The following SUGCT variants were observed in gnomAD, a reference collection of about 807,000 sequenced individuals.
SUGCT encodes the protein succinyl-CoA:glutarate CoA-transferase.
SUGCT carries 41 observed loss-of-function variants against 55.0 expected under a neutral mutation model. The observed-to-expected ratio is 0.74, with a 90% confidence interval of 0.58 to 0.97. The LOEUF (loss-of-function observed/expected upper bound fraction) is 0.97. SUGCT is among the 50% of genes least tolerant of loss of function. SUGCT has a pLI of 0.00. For missense variants in SUGCT, 568 were observed against 547.8 expected, an observed-to-expected ratio of 1.04 and a Z score of -0.37; for synonymous variants, 187 against 200.4, an observed-to-expected ratio of 0.93 and a Z score of 0.56.
the SUGCT span, among the ~76,000 whole-genome samples, chr7:40,937,402 C>T: frequency 6.6e-6 from 1 of 152,220 alleles, no homozygotes; most frequent in Non-Finnish European, 1.5e-5. Flanking sequence ...ACCTCCTGAC[C>T]TCAGGTGATC....
chr7:40,337,904 G>C (rs1192548506), intron 9 of SUGCT, among the ~76,000 whole-genome samples: 15 of 152,100 alleles, frequency 9.9e-5, no homozygotes, highest in Non-Finnish European at 1.5e-5. Flanking sequence ...TCCTTTCCAT[G>C]TTTAGTGCTT....
the SUGCT span, among the ~76,000 whole-genome samples, chr7:40,956,698 A>G: frequency 6.6e-6 from 1 of 151,352 alleles, no homozygotes; most frequent in Non-Finnish European, 1.5e-5. Context: ...TAGTTCTTTT[A>G]ATTGTGATGT....
intron 12 of SUGCT, among the ~76,000 whole-genome samples, chr7:40,617,398 T>G (rs537514096): frequency 2.0e-5 from 3 of 152,236 alleles, no homozygotes; most frequent in African/African-American, 7.2e-5. Flanking sequence ...TTTGACATAT[T>G]TTTGAAGAAG....
At chr7:40,483,238 C>T (rs1479750837) in intron 11 of SUGCT, among the ~76,000 whole-genome samples, 1 of 152,082 alleles carries the variant, frequency 6.6e-6, no homozygotes, top group African/African-American at 2.4e-5. Flanking sequence ...TGGATTTACT[C>T]AGATTTGTCC....
chr7:40,485,057 T>C (rs1791253554), intron 11 of SUGCT, among the ~76,000 whole-genome samples: 1 of 152,122 alleles, frequency 6.6e-6, no homozygotes, highest in Admixed American at 6.5e-5. Flanking sequence ...TTAAGTGAAG[T>C]AATGTGTACT....
At chr7:40,278,812 G>T (rs1157801371) in intron 8 of SUGCT, among the ~76,000 whole-genome samples, 1 of 139,658 alleles carries the variant, frequency 7.2e-6, no homozygotes, top group African/African-American at 2.7e-5. Context: ...TAGCAGTTTT[G>T]GTTTCAGATC....
intron 12 of SUGCT, among the ~76,000 whole-genome samples, chr7:40,568,587 G>T (rs1459695539): frequency 6.6e-6 from 1 of 152,190 alleles, no homozygotes; most frequent in Admixed American, 6.5e-5. Flanking sequence ...GTCGTCGTTG[G>T]TGGTGACATG....
At chr7:40,504,435 T>C (rs1792472598) in intron 12 of SUGCT, among the ~76,000 whole-genome samples, 1 of 151,900 alleles carries the variant, frequency 6.6e-6, no homozygotes, top group Admixed American at 6.6e-5. Context: ...TGGCCAAGAA[T>C]AGATTTTTTT....
chr7:40,808,303 C>T (rs1201379531), intron 13 of SUGCT: 1 of 152,238 alleles, frequency 6.6e-6, no homozygotes, highest in Non-Finnish European at 1.5e-5. Context: ...TCAGACATCC[C>T]AGCAGCGGAA....
At chr7:40,211,461 T>G (rs1310578712) in intron 6 of SUGCT, among the ~76,000 whole-genome samples, 3 of 152,208 alleles carry the variant, frequency 2.0e-5, no homozygotes, top group African/African-American at 7.2e-5. Context: ...GTGATCTCCC[T>G]GCCTTGGCCT....
At chr7:40,342,014 G>A (rs747507078) in intron 9 of SUGCT, among the ~76,000 whole-genome samples, 82 of 152,212 alleles carry the variant, frequency 5.4e-4, no homozygotes, top group African/African-American at 1.9e-3. Context: ...CACATGTGGT[G>A]CAGTGGTACA....
At chr7:40,932,517 A>G in the SUGCT span, among the ~76,000 whole-genome samples, 1 of 152,180 alleles carries the variant, frequency 6.6e-6, no homozygotes, top group Non-Finnish European at 1.5e-5. Flanking sequence ...TAATACTGAC[A>G]GTGGAGTGTT....
chr7:40,520,364 A>G (rs1444620687), intron 12 of SUGCT, among the ~76,000 whole-genome samples: 1 of 152,110 alleles, frequency 6.6e-6, no homozygotes, highest in Admixed American at 6.6e-5. Flanking sequence ...TTTTGGTCAG[A>G]AAATCTGGCT....
intron 13 of SUGCT, among the ~76,000 whole-genome samples, chr7:40,756,462 C>T (rs1221032240): frequency 1.3e-5 from 2 of 152,174 alleles, no homozygotes; most frequent in Admixed American, 1.3e-4. Context: ...ATTTTCCATG[C>T]ATTACAACTC....
chr7:40,876,320 A>G, the SUGCT span, among the ~76,000 whole-genome samples: 1 of 152,164 alleles, frequency 6.6e-6, no homozygotes, highest in African/African-American at 2.4e-5. Context: ...TTCCTAAGTC[A>G]TAGAACCATG....
At chr7:40,861,297 T>C, downstream of SUGCT, among the ~76,000 whole-genome samples, 1 of 152,252 alleles carries the variant, frequency 6.6e-6, no homozygotes, top group East Asian at 1.9e-4. Context: ...AAATAATTTA[T>C]ACATCATGAC....
At chr7:40,772,147 T>C (rs574789788) in intron 13 of SUGCT, among the ~76,000 whole-genome samples, 1 of 152,206 alleles carries the variant, frequency 6.6e-6, no homozygotes, top group South Asian at 2.1e-4. Flanking sequence ...TTTCCCTTCC[T>C]CCTCCCTTCT....
intron 8 of SUGCT, among the ~76,000 whole-genome samples, chr7:40,277,326 C>T (rs1444230469): frequency 2.0e-5 from 3 of 151,904 alleles, no homozygotes; most frequent in East Asian, 1.9e-4. Context: ...GGACTACAGG[C>T]GTGTGTCAAA....
At chr7:40,137,848 A>G (rs1787778915) in intron 1 of SUGCT, among the ~76,000 whole-genome samples, 1 of 151,968 alleles carries the variant, frequency 6.6e-6, no homozygotes, top group Non-Finnish European at 1.5e-5. Flanking sequence ...TGCCTGGCTA[A>G]TTTTTGTATT....
Sources: gnomAD v4.1 joint callset for allele counts (sites outside exome capture counted in the v4.1 genomes callset) on GRCh38, gnomAD v4.1.1 for gene constraint, MANE v1.5 for transcripts, NCBI Gene and HGNC (gene_info 2026-07-23, HGNC 2026-07-21) for gene names.